Variants in MTCL1 observed in about 807,000 individuals in gnomAD.
MTCL1 encodes microtubule crosslinking factor 1.
MTCL1 carries 79 observed loss-of-function variants against 141.4 expected under a neutral mutation model. The observed-to-expected ratio is 0.56, with a 90% confidence interval of 0.47 to 0.67. MTCL1 has a LOEUF of 0.67. MTCL1 is among the 30% of genes least tolerant of loss of function. MTCL1 has a pLI of 0.00. For synonymous variants in MTCL1, 914 were observed against 875.8 expected (o/e 1.04, Z -0.77); for missense variants, 2,177 against 2,113.9 (o/e 1.03, Z -0.59).
intron 15 of MTCL1, among the ~76,000 whole-genome samples, chr18:8,827,214 G>A (rs774197340): frequency 1.1e-4 from 17 of 152,234 alleles, no homozygotes; most frequent in African/African-American, 1.9e-4. Flanking sequence ...TGGTCTGCCC[G>A]CTGCTTCCTC....
chr18:8,787,014 C>G (rs1029380589), intron 7 of MTCL1: 3 of 155,866 alleles, frequency 1.9e-5, no homozygotes, highest in Non-Finnish European at 4.3e-5. Context: ...CCCGAGTGTT[C>G]CGTCCTTCAA....
At chr18:8,711,067 G>A (rs2096088706) in intron 1 of MTCL1, among the ~76,000 whole-genome samples, 1 of 151,650 alleles carries the variant, frequency 6.6e-6, no homozygotes, top group South Asian at 2.1e-4. Flanking sequence ...AGTCCCCAGA[G>A]TGTGATATTC....
intron 14 of MTCL1, 40 bp from the exon 14 acceptor site, chr18:8,824,659 C>A (rs1271170701): frequency 1.3e-6 from 2 of 1,547,038 alleles, no homozygotes; most frequent in Non-Finnish European, 1.8e-6. Context: ...GTCAGAGGCT[C>A]CCTGGCAGGT....
intron 4 of MTCL1, among the ~76,000 whole-genome samples, chr18:8,753,979 A>G (rs1412693158): frequency 6.6e-6 from 1 of 151,132 alleles, no homozygotes; most frequent in Non-Finnish European, 1.5e-5. Flanking sequence ...TAAAATATGT[A>G]TTAATTCTTA....
intron 4 of MTCL1, among the ~76,000 whole-genome samples, chr18:8,747,389 G>C (rs1278193998): frequency 6.6e-6 from 1 of 152,068 alleles, no homozygotes; most frequent in Non-Finnish European, 1.5e-5. Flanking sequence ...CAAGGTGCCT[G>C]CAGGGCACGC....
chr18:8,817,869 G>A (rs992399131), intron 12 of MTCL1, among the ~76,000 whole-genome samples: 1 of 152,214 alleles, frequency 6.6e-6, no homozygotes, highest in African/African-American at 2.4e-5. Context: ...ATAGCTTCAG[G>A]TCTCAGTTGT....
At chr18:8,718,052 C>A in intron 2 of MTCL1, 1 of 844,148 alleles carries the variant, frequency 1.2e-6, no homozygotes, top group South Asian at 3.9e-5. Flanking sequence ...CATCTTAGTA[C>A]CTAGATTATG....
intron 4 of MTCL1, among the ~76,000 whole-genome samples, chr18:8,742,798 A>G (rs2096311986): frequency 6.6e-6 from 1 of 152,248 alleles, no homozygotes. Context: ...CATATAACAA[A>G]TGGAAGCAGT....
chr18:8,761,470 T>G (rs1291966428), intron 4 of MTCL1, among the ~76,000 whole-genome samples: 1 of 152,226 alleles, frequency 6.6e-6, no homozygotes, highest in Admixed American at 6.5e-5. Flanking sequence ...AGACAGAAGC[T>G]CATACCTATT....
intron 9 of MTCL1, among the ~76,000 whole-genome samples, chr18:8,797,499 G>C (rs999490439): frequency 7.9e-5 from 12 of 152,222 alleles, no homozygotes; most frequent in African/African-American, 2.7e-4. Flanking sequence ...CGCCACTGGC[G>C]TTCTGTGTAT....
chr18:8,717,523 GAGT>G (rs2096136837), intron 1 of MTCL1: 2 of 152,664 alleles, frequency 1.3e-5, no homozygotes. Flanking sequence ...TTTGAGTAGG[GAGT>G]GAGGTGGTCT....
chr18:8,822,085 G>A lies in MTCL1; in HGVS notation c.3188+587G>A, dbSNP rs947909248. Among the ~76,000 whole-genome samples, 20 of 152,056 alleles carry A rather than the reference G, an allele frequency of 1.3e-4. No homozygotes were observed. The highest frequency in any genetic ancestry group is 4.8e-4 in the African/African-American group (20 of 41,384). ...TCAGGCAATTCAGCATTTCCAGATCGCCTCATCCTTGATTTTCCTCTGAAC... is the reference window on the plus strand; with the variant it reads ...TCAGGCAATTCAGCATTTCCAGATCACCTCATCCTTGATTTTCCTCTGAAC... On this transcript the variant is annotated intron_variant, in intron 14 of 16. Transcript: ENST00000359865. This position sits in a 1 kb window ranked among gnomAD's most constrained non-coding sequence, Gnocchi z 4.6.
chr18:8,757,033 T>TC lies in MTCL1; in HGVS notation c.358-20796dup, dbSNP rs1310293659. On this transcript the variant is annotated intron_variant, in intron 4 of 16. Coordinates refer to ENST00000359865, the Ensembl canonical transcript of MTCL1. ...TCAGCCAGAGAGCTACAAGGTAGGG[T>TC]CCCCAAAGACTGGTAAGAGGACCCC... is the stretch of plus-strand genomic sequence containing the variant. 2.0e-5 allele frequency among the ~76,000 whole-genome samples: 3 copies of TC among 152,204 alleles called. No individual in the cohort carries two copies. The South Asian group carries it at 6.2e-4, about 32-fold the overall frequency.
At chr18:8,705,586 C>T, upstream of MTCL1, 1 of 889,074 alleles carries the variant, frequency 1.1e-6, no homozygotes. The surrounding 1 kb of genome is among the most constrained non-coding windows in gnomAD (Gnocchi z 5.2). Context: ...GGAGGCTGCA[C>T]GCCGCCGCCG....
intron 1 of MTCL1, among the ~76,000 whole-genome samples, chr18:8,711,815 A>G (rs2096094328): frequency 6.6e-6 from 1 of 151,918 alleles, no homozygotes; most frequent in African/African-American, 2.4e-5. Flanking sequence ...AGTAGGTTGC[A>G]AAAATTTTCT....
chr18:8,735,716 C>A (rs1303666098), intron 4 of MTCL1, among the ~76,000 whole-genome samples: 2 of 152,052 alleles, frequency 1.3e-5, no homozygotes, highest in Non-Finnish European at 2.9e-5. Flanking sequence ...GAGTGAAGGC[C>A]CGCTGAGAGC....
intron 14 of MTCL1, among the ~76,000 whole-genome samples, chr18:8,823,683 C>A (rs1372519626): frequency 6.6e-6 from 1 of 152,244 alleles, no homozygotes; most frequent in Non-Finnish European, 1.5e-5. Flanking sequence ...CTAACGATGT[C>A]ACTTTTAGCC....
chr18:8,735,789 A>G (rs181688089), intron 4 of MTCL1, among the ~76,000 whole-genome samples: 1 of 152,296 alleles, frequency 6.6e-6, no homozygotes, highest in East Asian at 1.9e-4. Flanking sequence ...TCCCCTTGAG[A>G]AACTCAGAGC....
At chr18:8,754,984 G>A (rs922321853) in intron 4 of MTCL1, among the ~76,000 whole-genome samples, 8 of 152,324 alleles carry the variant, frequency 5.3e-5, no homozygotes, top group South Asian at 4.2e-4. Context: ...GTTTGGTCCT[G>A]CAGGGGTTAT....
Sources: allele counts gnomAD v4.1 joint callset (sites outside exome capture counted in the v4.1 genomes callset), GRCh38; gene constraint gnomAD v4.1.1; non-coding constraint Gnocchi (gnomAD v3.1); transcripts MANE v1.5; gene names NCBI Gene and HGNC (gene_info 2026-07-23, HGNC 2026-07-21).